MSRA: variants seen among roughly 807,000 people sequenced by gnomAD.
MSRA encodes mitochondrial peptide methionine sulfoxide reductase.
Under a neutral mutation model 31.3 loss-of-function variants are expected in MSRA, and 54 were observed. The ratio of observed to expected loss-of-function variants is 1.73; its 90% confidence interval spans 1.39 to 2.17. The LOEUF (loss-of-function observed/expected upper bound fraction) is 2.17. Ranked by LOEUF, MSRA falls within the 30% of genes most tolerant of loss-of-function variation. The pLI, the probability that MSRA is intolerant of heterozygous loss-of-function variation, is 0.00. For missense variants in MSRA, 507 were observed against 300.9 expected, an observed-to-expected ratio of 1.69 and a Z score of -5.07; for synonymous variants, 169 against 116.5, an observed-to-expected ratio of 1.45 and a Z score of -2.90.
intron 1 of MSRA, among the ~76,000 whole-genome samples, chr8:10,130,771 G>A (rs1585216044): frequency 6.6e-6 from 1 of 152,150 alleles, no homozygotes; most frequent in Non-Finnish European, 1.5e-5. Context: ...TCGCTAAGAT[G>A]TATTTTGCAG....
intron 1 of MSRA, among the ~76,000 whole-genome samples, chr8:10,071,926 C>T (rs149727338): frequency 6.6e-6 from 1 of 152,296 alleles, no homozygotes; most frequent in African/African-American, 2.4e-5. Context: ...AGAGAAGAGA[C>T]AGAGCAAGAT....
intron 2 of MSRA, among the ~76,000 whole-genome samples, chr8:10,240,749 C>T (rs373221397): frequency 1.3e-5 from 2 of 152,146 alleles, no homozygotes; most frequent in Non-Finnish European, 2.9e-5. Context: ...TCTTTCCTGG[C>T]CACTCTAGAG....
intron 5 of MSRA, among the ~76,000 whole-genome samples, chr8:10,356,907 A>AT (rs1250377658): frequency 4.5e-4 from 61 of 134,402 alleles, no homozygotes; most frequent in African/African-American, 1.6e-3. Flanking sequence ...AAAAAAAAAA[A>AT]AAATATATGT....
At chr8:10,262,293 A>G (rs1294414511) in intron 3 of MSRA, among the ~76,000 whole-genome samples, 3 of 152,232 alleles carry the variant, frequency 2.0e-5, no homozygotes, top group Admixed American at 2.0e-4. Context: ...GCTTTGCCAT[A>G]AATTGTCAAA....
chr8:10,235,937 A>G (rs1001741373), intron 2 of MSRA, among the ~76,000 whole-genome samples: 2 of 152,180 alleles, frequency 1.3e-5, no homozygotes, highest in Non-Finnish European at 2.9e-5. Context: ...TTCAGTGTTA[A>G]AATGCTCTAT....
chr8:10,095,424 G>T, intron 1 of MSRA: 2 of 971,400 alleles, frequency 2.1e-6, no homozygotes, highest in Non-Finnish European at 2.4e-6. Context: ...ACCGTACCAC[G>T]GTTTCCTGTT....
At chr8:10,277,783 G>A (rs1799402032) in intron 3 of MSRA, among the ~76,000 whole-genome samples, 1 of 152,070 alleles carries the variant, frequency 6.6e-6, no homozygotes, top group African/African-American at 2.4e-5. Flanking sequence ...TTTATAATAA[G>A]TATGGGAGGT....
chr8:10,301,606 A>T lies in MSRA; in HGVS notation c.404A>T (p.Lys135Met), dbSNP rs1800851464. Residue 135 changes from lysine to methionine, a missense_variant, in exon 4 of 6, where the codon AAG (lysine) becomes ATG (methionine). Coordinates refer to ENST00000317173, the MANE Select transcript of MSRA (RefSeq NM_012331.5). ...PEHMSFEELL[K>M]VFWENHDPTQ... ...CACATGAGTTTTGAGGAACTGCTCA[A>T]GGTCTTCTGGGAGAATCACGACCCG... is the stretch of plus-strand genomic sequence containing the variant. 6.2e-7 allele frequency: 1 copy of T among 1,614,128 alleles called. No homozygotes were observed. The highest frequency in any genetic ancestry group is 1.3e-5 in the African/African-American group (1 of 75,006).
intron 2 of MSRA, among the ~76,000 whole-genome samples, chr8:10,211,781 A>C (rs935304885): frequency 1.3e-5 from 2 of 152,046 alleles, no homozygotes. Flanking sequence ...TCAATATCTT[A>C]ATGAAAGTGA....
intron 1 of MSRA, among the ~76,000 whole-genome samples, chr8:10,170,788 C>T (rs1217994307): frequency 2.0e-5 from 3 of 152,198 alleles, no homozygotes; most frequent in Non-Finnish European, 4.4e-5. Flanking sequence ...GACAACTATA[C>T]TGTTGTTTAT....
At chr8:10,271,718 CTTT>C (rs11301253) in intron 3 of MSRA, among the ~76,000 whole-genome samples, 60 of 136,084 alleles carry the variant, frequency 4.4e-4, no homozygotes, top group Non-Finnish European at 4.4e-4. Flanking sequence ...CATGGGTAGT[CTTT>C]TTTTTTTTTT....
At chr8:10,420,304 T>G (rs1042281502) in intron 5 of MSRA, among the ~76,000 whole-genome samples, 4 of 150,154 alleles carry the variant, frequency 2.7e-5, no homozygotes, top group African/African-American at 9.8e-5. Flanking sequence ...GTTTTTTTGT[T>G]TTTTTTTTTT....
At chr8:10,255,230 G>A (rs1266791154) in intron 3 of MSRA, among the ~76,000 whole-genome samples, 2 of 152,216 alleles carry the variant, frequency 1.3e-5, no homozygotes, top group Admixed American at 1.3e-4. Flanking sequence ...CTCATCACTA[G>A]CCCACTGCAA....
chr8:10,384,727 G>A (rs556441658), intron 5 of MSRA, among the ~76,000 whole-genome samples: 3 of 152,150 alleles, frequency 2.0e-5, no homozygotes, highest in Non-Finnish European at 2.9e-5. Flanking sequence ...AAATAAAATG[G>A]CCAGGCATGG....
chr8:10,418,340 G>A (rs1468272701), intron 5 of MSRA, among the ~76,000 whole-genome samples: 1 of 152,054 alleles, frequency 6.6e-6, no homozygotes, highest in African/African-American at 2.4e-5. Context: ...TGCCACAAGG[G>A]CCTTCAAACT....
chr8:10,201,327 G>C (rs1035107037), intron 1 of MSRA, among the ~76,000 whole-genome samples: 1 of 152,134 alleles, frequency 6.6e-6, no homozygotes, highest in Non-Finnish European at 1.5e-5. Flanking sequence ...TGTACTTCTT[G>C]ATGACCGGCA....
chr8:10,217,197 A>C (rs1172463023), intron 2 of MSRA, among the ~76,000 whole-genome samples: 1 of 152,238 alleles, frequency 6.6e-6, no homozygotes, highest in Non-Finnish European at 1.5e-5. Context: ...CTGGAACCAG[A>C]AAGAAATTTT....
chr8:10,222,510 A>G (rs1019318271), intron 2 of MSRA, among the ~76,000 whole-genome samples: 2 of 152,178 alleles, frequency 1.3e-5, no homozygotes, highest in Non-Finnish European at 1.5e-5. Flanking sequence ...CTTCATATCT[A>G]AAGGCAATGA....
chr8:10,098,327 C>T (rs970656297), intron 1 of MSRA, among the ~76,000 whole-genome samples: 3 of 152,114 alleles, frequency 2.0e-5, no homozygotes, highest in African/African-American at 4.8e-5. Flanking sequence ...TTAACTGCTA[C>T]TTGATACGTA....
Sources: gnomAD v4.1 joint callset for allele counts (sites outside exome capture counted in the v4.1 genomes callset) on GRCh38, gnomAD v4.1.1 for gene constraint, MANE v1.5 for transcripts, NCBI Gene and HGNC (gene_info 2026-07-23, HGNC 2026-07-21) for gene names.